Variants in ARHGEF4 observed in about 807,000 individuals in gnomAD.
ARHGEF4 encodes the protein Rho guanine nucleotide exchange factor 4.
Under a neutral mutation model 162.0 loss-of-function variants are expected in ARHGEF4, and 119 were observed. The observed-to-expected ratio is 0.73, with a 90% CI of 0.63 to 0.86. The LOEUF (loss-of-function observed/expected upper bound fraction) is 0.86, where lower values mean the gene tolerates loss of function less well. Among genes scored for constraint, ARHGEF4 ranks in the 40% least tolerant of loss-of-function variants. ARHGEF4 has a pLI of 0.00. For missense variants in ARHGEF4, 2,488 were observed against 2,456.0 expected (o/e 1.01, Z -0.28); for synonymous variants, 1,014 against 979.9 (o/e 1.03, Z -0.65).
At chr2:130,841,547 C>T (rs562814326) in intron 1 of ARHGEF4, among the ~76,000 whole-genome samples, 20 of 152,242 alleles carry the variant, frequency 1.3e-4, no homozygotes, top group Admixed American at 1.3e-3. Flanking sequence ...AATGCTTCCT[C>T]CCATCCTCTG....
chr2:130,917,427 A>C lies in ARHGEF4; in HGVS notation c.3481A>C (p.Ser1161Arg). 1 of 1,550,626 alleles carries C rather than the reference A, an allele frequency of 6.4e-7. No individual in the cohort carries two copies. The highest frequency in any genetic ancestry group is 8.7e-7 in the Non-Finnish European group (1 of 1,147,008). The change falls in exon 2 of 14, where the codon AGC becomes CGC. Residue 1161 changes from serine to arginine, a missense_variant. Transcript: ENST00000409359. Reference protein sequence around the residue: ...TLNQDEQKEESREGGQGPRGL... With the variant: ...TLNQDEQKEERREGGQGPRGL... ...AAACCAAGATGAGCAGAAGGAAGAG[A>C]GCAGGGAAGGAGGCCAGGGTCCGCG...
At chr2:130,874,125 C>G (rs1285226348) in intron 1 of ARHGEF4, among the ~76,000 whole-genome samples, 1 of 152,204 alleles carries the variant, frequency 6.6e-6, no homozygotes, top group Non-Finnish European at 1.5e-5. Context: ...ACCAACTGTT[C>G]TGCCCCAGCG....
intron 4 of ARHGEF4, among the ~76,000 whole-genome samples, chr2:131,022,666 A>G (rs1042079381): frequency 6.6e-6 from 1 of 151,646 alleles, no homozygotes; most frequent in Non-Finnish European, 1.5e-5. Flanking sequence ...ACAAAAAAAA[A>G]AAAAACAAAA....
At chr2:130,852,766 G>A (rs191091921) in intron 1 of ARHGEF4, among the ~76,000 whole-genome samples, 188 of 152,344 alleles carry the variant, frequency 1.2e-3, no homozygotes, top group African/African-American at 4.3e-3. Context: ...GCTGCAGTGG[G>A]GAGACAGTGA....
chr2:130,908,471 T>C, intron 1 of ARHGEF4, among the ~76,000 whole-genome samples: 1 of 152,096 alleles, frequency 6.6e-6, no homozygotes, highest in East Asian at 1.9e-4. Flanking sequence ...GGTCAGGAGT[T>C]CAAGACCAGC....
At chr2:131,043,426 C>G in intron 10 of ARHGEF4, 26 bp from the exon 11 acceptor site, 1 of 1,613,360 alleles carries the variant, frequency 6.2e-7, no homozygotes. Context: ...ATGCGAGGCT[C>G]ATGGTTCTCC....
At chr2:130,949,042 C>G (rs1683793617) in intron 4 of ARHGEF4, among the ~76,000 whole-genome samples, 2 of 152,140 alleles carry the variant, frequency 1.3e-5, no homozygotes, top group African/African-American at 2.4e-5. Context: ...CATTTGAATT[C>G]TCATTCAAAT....
intron 1 of ARHGEF4, among the ~76,000 whole-genome samples, chr2:130,876,485 C>G (rs909322185): frequency 2.0e-5 from 3 of 152,048 alleles, no homozygotes; most frequent in African/African-American, 2.4e-5. Flanking sequence ...TCCGCCTCCT[C>G]GGTTCACGCC....
At chr2:131,035,289 G>C in intron 5 of ARHGEF4, 1 of 1,208,612 alleles carries the variant, frequency 8.3e-7, no homozygotes, top group Middle Eastern at 3.2e-4. Flanking sequence ...CCGCGCCGGG[G>C]TGAGTGGCGC....
Position 130,916,224 on chromosome 2 carries a change from G to T in ARHGEF4, c.2278G>T (p.Ala760Ser). The stretch of plus-strand genomic sequence containing the variant: ...GGAGGAGGCCCCCGAAGGCGGTGCT[G>T]CAGCAGCCCGGGGCCAGCGCCCCCG... The part of the protein sequence containing the change: ...GPEEAPEGGA[A>S]AARGQRPRVP... Residue 760 changes from alanine (A) to serine (S), a missense_variant, in exon 2 of 14, where the codon GCA becomes TCA. Coordinates refer to ENST00000409359, the MANE Select transcript of ARHGEF4 (RefSeq NM_001367493.1). The T allele has an allele frequency of 6.5e-7, 1 of 1,541,406 alleles. No homozygotes were observed. The highest frequency in any genetic ancestry group is 8.7e-7 in the Non-Finnish European group (1 of 1,144,054).
intron 4 of ARHGEF4, 167 bp downstream of exon 4, chr2:130,946,802 C>G (rs1368650922): frequency 1.1e-6 from 1 of 911,488 alleles, no homozygotes; most frequent in Admixed American, 2.9e-5. Flanking sequence ...TGCCTACTAC[C>G]CAAAGAAAGG....
chr2:130,906,193 C>T (rs1026177758), intron 1 of ARHGEF4, among the ~76,000 whole-genome samples: 1 of 152,190 alleles, frequency 6.6e-6, no homozygotes, highest in African/African-American at 2.4e-5. Context: ...TGGCATCAAC[C>T]ACTTCTTCAA....
chr2:131,010,835 A>T (rs752648836), intron 4 of ARHGEF4, among the ~76,000 whole-genome samples: 1 of 152,234 alleles, frequency 6.6e-6, no homozygotes, highest in Non-Finnish European at 1.5e-5. Context: ...GGGAAGCTAA[A>T]GCCACATCCT....
rs1681423198 is a variant in ARHGEF4 at position 130,915,470 on chromosome 2, A to T, written c.1524A>T (p.Ser508=). ...QAGNQTSNYT[S]KYVLSEESKS... ...GAAACCAAACCAGTAATTACACATCAAAGTATGTGCTCAGCGAGGAAAGCA... is the reference window on the plus strand; with the variant it reads ...GAAACCAAACCAGTAATTACACATCTAAGTATGTGCTCAGCGAGGAAAGCA... The change falls in exon 2 of 14, where the codon TCA becomes TCT. Residue 508 remains serine, a synonymous_variant. Transcript: ENST00000409359. 1.9e-6 allele frequency: 3 copies of T among 1,550,512 alleles called. No individual in the cohort carries two copies. The highest frequency in any genetic ancestry group is 2.4e-5 in the East Asian group (1 of 40,908).
At chr2:130,998,386 T>C (rs1218103715) in intron 4 of ARHGEF4, among the ~76,000 whole-genome samples, 1 of 152,160 alleles carries the variant, frequency 6.6e-6, no homozygotes, top group Admixed American at 6.5e-5. Flanking sequence ...TCCTATGAGA[T>C]TTGACAAATG....
At chr2:130,982,031 C>T (rs1380502710) in intron 4 of ARHGEF4, among the ~76,000 whole-genome samples, 1 of 152,138 alleles carries the variant, frequency 6.6e-6, no homozygotes, top group African/African-American at 2.4e-5. Context: ...TGGAGTCCTA[C>T]TCTGTCACCG....
intron 1 of ARHGEF4, among the ~76,000 whole-genome samples, chr2:130,850,564 T>A (rs1271138733): frequency 2.0e-5 from 3 of 152,122 alleles, no homozygotes; most frequent in Non-Finnish European, 4.4e-5. Context: ...AGGACACAGG[T>A]TCCCCCAGGT....
At chr2:130,849,556 T>TTCA (rs10667078) in intron 1 of ARHGEF4, among the ~76,000 whole-genome samples, 3,953 of 151,350 alleles carry the variant, frequency 0.026, 96 homozygotes, top group East Asian at 0.1. Flanking sequence ...CTCCTTTCCA[T>TTCA]GATCTAGGAT....
At position 131,043,519 on chromosome 2, in the gene ARHGEF4, C is replaced by T. The variant is rs770325091; in HGVS notation, c.5093C>T (p.Pro1698Leu). ...GGGGAGCTGACTCGAGTTACACAGC[C>T]TCAAGCCAAAAGCCAGCAGCGAATG... Reference protein sequence around the residue: ...YSGELTRVTQPQAKSQQRMFF... With the variant: ...YSGELTRVTQLQAKSQQRMFF... The change falls in exon 11 of 14, where the codon CCT becomes CTT. Residue 1698 changes from proline to leucine, a missense_variant. Pro to Leu is a moderately conservative substitution (Grantham distance 98). Transcript: ENST00000409359. The T allele has an allele frequency of 8.7e-6, 14 of 1,613,994 alleles. No homozygotes were observed. In the Admixed American group the frequency reaches 2.2e-4, roughly 25 times the overall value.
Sources: allele counts gnomAD v4.1 joint callset (sites outside exome capture counted in the v4.1 genomes callset), GRCh38; gene constraint gnomAD v4.1.1; transcripts MANE v1.5; gene names NCBI Gene and HGNC (gene_info 2026-07-23, HGNC 2026-07-21).